CDK15: variants seen among roughly 807,000 people sequenced by gnomAD.
The protein encoded by CDK15 is cyclin-dependent kinase 15.
In CDK15, 62 loss-of-function variants were observed where a neutral mutation model predicts 60.3. The ratio of observed to expected loss-of-function variants is 1.03; its 90% CI spans 0.84 to 1.27. CDK15 has a LOEUF of 1.27. CDK15 is among the 50% of genes most tolerant of loss of function. The pLI is 0.00. For missense variants in CDK15, 541 were observed against 527.8 expected, an observed-to-expected ratio of 1.03 and a Z score of -0.25; for synonymous variants, 194 against 195.7, an observed-to-expected ratio of 0.99 and a Z score of 0.07.
chr2:201,867,462 G>T lies in CDK15; in HGVS notation c.1010-4816G>T, dbSNP rs1042332322. Among the ~76,000 whole-genome samples the T allele has an allele frequency of 2.0e-5, 3 of 152,094 alleles. 1 individual carries two copies. In the South Asian group the frequency reaches 6.2e-4, roughly 32 times the overall value. ...AACATAGGGAGACCCCATCTCTACA[G>T]AAAATTTTAAAAATTAGCCAGAAGT... is the stretch of plus-strand genomic sequence containing the variant. On this transcript the variant is annotated intron_variant, in intron 10 of 13. Coordinates refer to ENST00000652192, the MANE Select transcript of CDK15 (RefSeq NM_001366386.2).
chr2:201,847,481 G>T lies in CDK15; in HGVS notation c.945+7G>T. ...GCTGGAGAAAATCTGGGAGGTAGGA[G>T]AATAATTCTTCTAAAGAAAATGAAA... On this transcript the variant is annotated splice_region_variant and intron_variant, in intron 9 of 13. Transcript: ENST00000652192. 1 of 1,610,484 alleles carries T rather than the reference G, an allele frequency of 6.2e-7. No individual in the cohort carries two copies. Among genetic ancestry groups the T allele is most frequent in the Non-Finnish European group, 8.5e-7 (1 of 1,177,612 alleles).
At chr2:201,822,287 A>T (rs1696262514) in intron 4 of CDK15, among the ~76,000 whole-genome samples, 1 of 152,236 alleles carries the variant, frequency 6.6e-6, no homozygotes, top group Admixed American at 6.5e-5. Context: ...TCCAGTCTCT[A>T]TCATGTTTCA....
chr2:201,894,159 G>T lies in CDK15; in HGVS notation c.*892G>T, dbSNP rs555335995. The T allele has an allele frequency of 6.6e-6, 1 of 151,084 alleles. No homozygotes were observed. The highest frequency in any genetic ancestry group is 2.5e-5 in the African/African-American group (1 of 40,716). 9.4% of individuals were successfully genotyped at this position (151,084 alleles called of 1,614,324 possible). ...ATCTGTCTTAGCTAACACGTGTGCC[G>T]TTTTATACAATGACTCCTTCTAAAA... On this transcript the variant is annotated 3_prime_UTR_variant, in exon 14 of 14. Coordinates refer to ENST00000652192, the MANE Select transcript of CDK15 (RefSeq NM_001366386.2).
intron 10 of CDK15, chr2:201,861,128 T>A: frequency 1.9e-6 from 2 of 1,038,080 alleles, no homozygotes; most frequent in Non-Finnish European, 2.3e-6. Flanking sequence ...GAACTGTAAG[T>A]CCAAGCTCCC....
intron 12 of CDK15, among the ~76,000 whole-genome samples, chr2:201,887,917 T>C (rs990383715): frequency 6.6e-6 from 1 of 152,034 alleles, no homozygotes; most frequent in East Asian, 1.9e-4. Context: ...GCACTTTGAA[T>C]AATTGAATGC....
In CDK15 at chr2:201,817,217, G is replaced by A. The variant is rs533989303; in HGVS notation, c.448+4655G>A. ...AGAAATTTCTAAACTGTTTTCCACA[G>A]TGGCTGAACTAATTAACATTCCCAC... is the stretch of plus-strand genomic sequence containing the variant. On this transcript the variant is annotated intron_variant, in intron 4 of 13. Coordinates refer to ENST00000652192, the MANE Select transcript of CDK15 (RefSeq NM_001366386.2). Among the ~76,000 whole-genome samples the A allele has an allele frequency of 3.3e-5, 5 of 152,338 alleles. No individual in the cohort carries two copies. The South Asian group carries it at 1.0e-3, about 32-fold the overall frequency.
intron 9 of CDK15, among the ~76,000 whole-genome samples, chr2:201,852,881 CT>C (rs1267331126): frequency 1.3e-5 from 2 of 152,266 alleles, no homozygotes; most frequent in East Asian, 1.9e-4. Flanking sequence ...ATTAAAAAAA[CT>C]TTTTTTAGTA....
At chr2:201,842,941 A>G (rs1697465726) in intron 8 of CDK15, among the ~76,000 whole-genome samples, 1 of 152,210 alleles carries the variant, frequency 6.6e-6, no homozygotes, top group Non-Finnish European at 1.5e-5. Flanking sequence ...AGAGAAGCTT[A>G]AAGATATGTA....
Position 201,812,492 on chromosome 2 carries a change from A to G in CDK15, c.378A>G (p.Gly126=). 5 of 1,612,082 alleles carry G rather than the reference A, an allele frequency of 3.1e-6. No individual in the cohort carries two copies. The highest frequency in any genetic ancestry group is 2.2e-5 in the East Asian group (1 of 44,774). Residue 126 remains glycine (G), a synonymous_variant, in exon 4 of 14, where the codon GGA becomes GGG. Transcript: ENST00000652192. ...AATCCCTCTCTTCTAGAATAAATGGACAACTAGTGGCTTTAAAAGTCATCA... is the reference window on the plus strand; with the variant it reads ...AATCCCTCTCTTCTAGAATAAATGGGCAACTAGTGGCTTTAAAAGTCATCA... ...TVYKGISRIN[G]QLVALKVISM... is the part of the protein sequence containing the mutation.
intron 13 of CDK15, among the ~76,000 whole-genome samples, chr2:201,892,754 C>G (rs1278952564): frequency 6.6e-6 from 1 of 152,198 alleles, no homozygotes; most frequent in Non-Finnish European, 1.5e-5. Context: ...AAGCAGTAAT[C>G]ACATGGACAC....
intron 10 of CDK15, among the ~76,000 whole-genome samples, chr2:201,858,796 A>G (rs1261199284): frequency 6.6e-6 from 1 of 152,192 alleles, no homozygotes; most frequent in African/African-American, 2.4e-5. Context: ...AAATCTTGAA[A>G]AAAGAGGGAG....
At chr2:201,810,853 T>TC (rs1327655164) in intron 3 of CDK15, among the ~76,000 whole-genome samples, 15 of 131,966 alleles carry the variant, frequency 1.1e-4, no homozygotes, top group Admixed American at 3.0e-4. Flanking sequence ...TTTTTTTTTT[T>TC]TTTTTTTCTC....
At chr2:201,869,384 TG>T (rs1398466367) in intron 10 of CDK15, among the ~76,000 whole-genome samples, 1 of 65,256 alleles carries the variant, frequency 1.5e-5, no homozygotes, top group Non-Finnish European at 3.1e-5. Context: ...TGTCATGGGG[TG>T]GGGGGCAGGG....
At chr2:201,869,270 A>G (rs370168751) in intron 10 of CDK15, among the ~76,000 whole-genome samples, 3 of 151,970 alleles carry the variant, frequency 2.0e-5, no homozygotes, top group East Asian at 1.9e-4. Flanking sequence ...TGAGCAAACT[A>G]TCGCAAGGAC....
chr2:201,884,657 T>C (rs1699395133), intron 12 of CDK15, among the ~76,000 whole-genome samples: 1 of 152,236 alleles, frequency 6.6e-6, no homozygotes, highest in African/African-American at 2.4e-5. Flanking sequence ...AAATACAAAT[T>C]CTGTTTCTCC....
chr2:201,812,879 A>G lies in CDK15; in HGVS notation c.448+317A>G, dbSNP rs148398633. Among the ~76,000 whole-genome samples the G allele has an allele frequency of 1.4e-4, 21 of 152,322 alleles. No individual in the cohort carries two copies. The East Asian group carries it at 3.7e-3, about 27-fold the overall frequency. On this transcript the variant is annotated intron_variant, in intron 4 of 13. Coordinates refer to ENST00000652192, the MANE Select transcript of CDK15 (RefSeq NM_001366386.2). ...TATATAACCTCAGAAAATTCCTATA[A>G]AAGAGAAAATATATAATCACACAAA...
intron 8 of CDK15, among the ~76,000 whole-genome samples, chr2:201,845,872 G>A (rs1697637926): frequency 6.6e-6 from 1 of 150,960 alleles, no homozygotes; most frequent in East Asian, 1.9e-4. Flanking sequence ...AGAGAAGTAT[G>A]GGGCCATGGG....
At chr2:201,872,017 A>G (rs1698866999) in intron 10 of CDK15, among the ~76,000 whole-genome samples, 1 of 152,070 alleles carries the variant, frequency 6.6e-6, no homozygotes, top group African/African-American at 2.4e-5. Flanking sequence ...TTTCCATATA[A>G]GATCATATTC....
At chr2:201,851,992 C>T (rs1697932445) in intron 9 of CDK15, among the ~76,000 whole-genome samples, 1 of 152,154 alleles carries the variant, frequency 6.6e-6, no homozygotes, top group South Asian at 2.1e-4. Flanking sequence ...TGTCTTCTTG[C>T]TATTGAGTTC....
Sources: allele counts gnomAD v4.1 joint callset (sites outside exome capture counted in the v4.1 genomes callset), GRCh38; gene constraint gnomAD v4.1.1; transcripts MANE v1.5; gene names NCBI Gene and HGNC (gene_info 2026-07-23, HGNC 2026-07-21).